Variants in ACTR8 observed in about 807,000 individuals in gnomAD.
ACTR8 encodes actin-related protein 8.
Under a neutral mutation model 84.3 loss-of-function variants are expected in ACTR8, and 70 were observed. The ratio of observed to expected loss-of-function variants is 0.83; its 90% confidence interval spans 0.68 to 1.01. ACTR8 has a LOEUF of 1.01. ACTR8 is among the 50% of genes least tolerant of loss of function. The pLI is 0.00. For missense variants in ACTR8, 672 were observed against 775.4 expected (o/e 0.87, Z 1.58); for synonymous variants, 268 against 275.2 (o/e 0.97, Z 0.26).
intron 5 of ACTR8, 72 bp downstream of exon 5, chr3:53,877,142 A>T (rs1699987894): frequency 7.0e-7 from 1 of 1,430,892 alleles, no homozygotes; most frequent in Non-Finnish European, 9.4e-7. Flanking sequence ...TATTACAAAC[A>T]ACTCGGTAAC....
chr3:53,876,872 G>GA (rs5849013), intron 5 of ACTR8, among the ~76,000 whole-genome samples, 159 bp from the exon 6 acceptor site: 9 of 146,100 alleles, frequency 6.2e-5, no homozygotes, highest in South Asian at 2.1e-4. Flanking sequence ...GTTTTATAAG[G>GA]AAAAAAAAAA....
intron 7 of ACTR8, 99 bp downstream of exon 7, chr3:53,875,849 G>T: frequency 6.6e-7 from 1 of 1,517,780 alleles, no homozygotes; most frequent in Non-Finnish European, 8.9e-7. Context: ...TGAATTTATG[G>T]TTATCTTATA....
At chr3:53,860,051 T>C in the ACTR8 span, 1 of 966,066 alleles carries the variant, frequency 1.0e-6, no homozygotes. Flanking sequence ...CTCTATAAAG[T>C]ATACCAAGTC....
At chr3:53,873,198 C>A in intron 8 of ACTR8, 71 bp from the exon 9 acceptor site, 1 of 1,216,008 alleles carries the variant, frequency 8.2e-7, no homozygotes, top group Non-Finnish European at 1.2e-6. Context: ...TATGCTTCAG[C>A]CTCACCATCA....
Position 53,872,481 on chromosome 3 carries a change from CCAA to C in ACTR8, c.1202_1204del (p.Val401del). 1 of 1,610,112 alleles carries C rather than the reference CCAA, an allele frequency of 6.2e-7. No homozygotes were observed. The highest frequency in any genetic ancestry group is 1.1e-5 in the South Asian group (1 of 90,414). On this transcript the variant is annotated inframe_deletion, in exon 10 of 13. Coordinates refer to ENST00000335754, the MANE Select transcript of ACTR8 (RefSeq NM_022899.5). ...GTGCTGCAAAGTCGTCATTTTCTGT[CCAA>C]CGATTCCAAAAGTTGCGGGGTAAAA...
downstream of ACTR8, among the ~76,000 whole-genome samples, chr3:53,866,897 C>T (rs1360847599): frequency 6.6e-6 from 1 of 152,154 alleles, no homozygotes; most frequent in Non-Finnish European, 1.5e-5. Flanking sequence ...GAATGTGGAT[C>T]GATTTCAGAT....
intron 2 of ACTR8, among the ~76,000 whole-genome samples, chr3:53,879,663 A>C (rs1700029427): frequency 6.6e-6 from 1 of 152,214 alleles, no homozygotes; most frequent in South Asian, 2.1e-4. Context: ...AAGCCTGTTA[A>C]CAAGGACCTG....
downstream of ACTR8, chr3:53,864,666 T>A: frequency 9.4e-7 from 1 of 1,061,086 alleles, no homozygotes; most frequent in Non-Finnish European, 1.4e-6. Context: ...TAGCAAGGGA[T>A]CATTTGTCAG....
chr3:53,877,569 CT>C (rs1699995497), intron 4 of ACTR8, 77 bp downstream of exon 4: 2 of 1,464,280 alleles, frequency 1.4e-6, no homozygotes, highest in Non-Finnish European at 1.9e-6. Flanking sequence ...ACAACTAGGA[CT>C]GGGTGGCAAC....
rs1216006177 is a variant in ACTR8 at position 53,871,367 on chromosome 3, C to A, written c.1432G>T (p.Gly478Ter). 1 of 1,614,242 alleles carries A rather than the reference C, an allele frequency of 6.2e-7. No individual in the cohort carries two copies. Among genetic ancestry groups the A allele is most frequent in the Admixed American group, 1.7e-5 (1 of 60,026 alleles). Residue 478 changes from glycine to a stop codon, truncating the protein, a stop_gained, in exon 11 of 13, where the codon GGA (glycine) becomes TGA (stop). Coordinates refer to ENST00000335754, the MANE Select transcript of ACTR8 (RefSeq NM_022899.5). LOFTEE classifies it high-confidence loss of function. ...SQEVDLGSAQ[G>*]DGLMAGNDSE... is the part of the protein sequence containing the mutation. ...TCGTTGCCGGCCATCAGGCCATCTC[C>A]CTGTGCAGACCCCAAATCTACCTCC...
rs1317954034 is a variant in ACTR8 at position 53,871,492 on chromosome 3, G to A, written c.1307C>T (p.Ala436Val). The change falls in exon 11 of 13, where the codon GCA becomes GTA. Residue 436 changes from alanine to valine, a missense_variant. Coordinates refer to ENST00000335754, the MANE Select transcript of ACTR8 (RefSeq NM_022899.5). ...LATQSKQEQS[A>V]KATADRKSAS... is the part of the protein sequence containing the mutation. ...AGACTTTCGGTCAGCAGTAGCTTTT[G>A]CAGACTTTAAATCAAAAGGACAATC... is the stretch of plus-strand genomic sequence containing the variant. The A allele has an allele frequency of 1.9e-6, 3 of 1,613,790 alleles. No individual in the cohort carries two copies. Among genetic ancestry groups the A allele is most frequent in the Non-Finnish European group, 2.5e-6 (3 of 1,179,964 alleles).
intron 1 of ACTR8, 66 bp from the exon 2 acceptor site, chr3:53,880,175 T>TA: frequency 6.7e-7 from 1 of 1,483,412 alleles, no homozygotes; most frequent in East Asian, 2.3e-5. Flanking sequence ...TTAAACAACA[T>TA]ACACATAACA....
the ACTR8 span, chr3:53,860,419 C>G: frequency 4.6e-6 from 2 of 430,258 alleles, no homozygotes; most frequent in Non-Finnish European, 4.1e-6. Flanking sequence ...CAGGTGAAAG[C>G]AGGGTCAGGA....
downstream of ACTR8, among the ~76,000 whole-genome samples, chr3:53,863,260 C>T (rs1009034001): frequency 3.3e-5 from 5 of 152,170 alleles, no homozygotes; most frequent in African/African-American, 9.7e-5. Context: ...TTTTCAACTG[C>T]ATGCAGGGCC....
At position 53,872,446 on chromosome 3, in the gene ACTR8, C is replaced by T. The variant is rs1699898422; in HGVS notation, c.1240G>A (p.Gly414Ser). The stretch of plus-strand genomic sequence containing the variant: ...TCATCGTGAGGATCCTCAGGATCGC[C>T]CTGAGATCTGTGCTGCAAAGTCGTC... ...KMTTLQHRSQ[G>S]DPEDPHDEHY... Residue 414 changes from glycine to serine, a missense_variant, in exon 10 of 13, where the codon GGC (glycine) becomes AGC (serine). Gly to Ser is a moderately conservative substitution (Grantham distance 56). Coordinates refer to ENST00000335754, the MANE Select transcript of ACTR8 (RefSeq NM_022899.5). The T allele has an allele frequency of 6.2e-7, 1 of 1,611,816 alleles. No homozygotes were observed. The highest frequency in any genetic ancestry group is 8.5e-7 in the Non-Finnish European group (1 of 1,179,174).
At chr3:53,879,478 G>T (rs948612784) in intron 2 of ACTR8, among the ~76,000 whole-genome samples, 1 of 151,592 alleles carries the variant, frequency 6.6e-6, no homozygotes, top group South Asian at 2.1e-4. Context: ...GATGCTTACT[G>T]CAAGAAAATT....
chr3:53,860,206 G>T, the ACTR8 span: 2 of 1,613,570 alleles, frequency 1.2e-6, no homozygotes, highest in Middle Eastern at 1.7e-4. Context: ...TGGTGGCAGG[G>T]ATCTATCTAA....
In ACTR8 at chr3:53,872,017, C is replaced by G. The variant is rs928109103; in HGVS notation, c.1302+367G>C. ...TCATATTATGGGGATCCACTTTCAA[C>G]AAAGGAATTCAGCTCTTTGGCTATG... is the stretch of plus-strand genomic sequence containing the variant. On this transcript the variant is annotated intron_variant, in intron 10 of 12. Coordinates refer to ENST00000335754, the MANE Select transcript of ACTR8 (RefSeq NM_022899.5). 1.1e-4 allele frequency among the ~76,000 whole-genome samples: 17 copies of G among 152,296 alleles called. No homozygotes were observed. In the South Asian group the frequency reaches 3.5e-3, roughly 32 times the overall value.
chr3:53,863,003 C>T (rs1699620900), downstream of ACTR8, among the ~76,000 whole-genome samples: 1 of 152,170 alleles, frequency 6.6e-6, no homozygotes, highest in African/African-American at 2.4e-5. Flanking sequence ...CGTCAGCCTA[C>T]TCAACAAGAT....
Sources: allele counts gnomAD v4.1 joint callset (sites outside exome capture counted in the v4.1 genomes callset), GRCh38; gene constraint gnomAD v4.1.1; transcripts MANE v1.5; gene names NCBI Gene and HGNC (gene_info 2026-07-23, HGNC 2026-07-21).